SYT16: variants seen among roughly 807,000 people sequenced by gnomAD.
SYT16 encodes synaptotagmin 16, also known as synaptotagmin-16.
Under a neutral mutation model 61.4 loss-of-function variants are expected in SYT16, and 42 were observed. The ratio of observed to expected loss-of-function variants is 0.68; its 90% confidence interval spans 0.53 to 0.89. SYT16 has a LOEUF of 0.89. Among genes scored for constraint, SYT16 ranks in the 40% least tolerant of loss-of-function variants. SYT16 has a pLI of 0.00. For missense variants in SYT16, 804 were observed against 807.3 expected (o/e 1.00, Z 0.05); for synonymous variants, 314 against 302.3 (o/e 1.04, Z -0.40).
At position 62,013,769 on chromosome 14, in the gene SYT16, G is replaced by T. The variant is rs139387763; in HGVS notation, c.523+17227G>T. ...TCATGAGGTCAGGTGTTCAAGACCA[G>T]CCTGGCCAATATGGTGAAACCATGT... On this transcript the variant is annotated intron_variant, in intron 3 of 7. Coordinates refer to ENST00000683842, the MANE Select transcript of SYT16 (RefSeq NM_001367656.1). Among the ~76,000 whole-genome samples, 607 of 152,220 alleles carry T rather than the reference G, an allele frequency of 4.0e-3. 1 individual carries two copies. Among genetic ancestry groups the T allele is most frequent in the Middle Eastern group, 0.017 (5 of 294 alleles).
chr14:61,925,073 C>T (rs2049481930), intron 1 of SYT16, among the ~76,000 whole-genome samples: 1 of 152,178 alleles, frequency 6.6e-6, no homozygotes, highest in African/African-American at 2.4e-5. Flanking sequence ...GAAGCGCCCT[C>T]TTGATTTGGC....
intron 1 of SYT16, among the ~76,000 whole-genome samples, chr14:61,845,717 T>C (rs979507949): frequency 1.3e-5 from 2 of 152,198 alleles, no homozygotes; most frequent in African/African-American, 4.8e-5. Context: ...TTTCTTCTAC[T>C]AATTTTGGGT....
At chr14:61,855,716 A>G (rs8012538) in intron 1 of SYT16, among the ~76,000 whole-genome samples, 22,984 of 152,220 alleles carry the variant, frequency 0.15, 1,870 homozygotes, top group African/African-American at 0.22. Context: ...ACTAGAAACT[A>G]TTATAAAAAA....
intron 3 of SYT16, among the ~76,000 whole-genome samples, chr14:62,032,714 GT>G (rs2054355571): frequency 6.8e-6 from 1 of 146,206 alleles, no homozygotes. Flanking sequence ...TCTACAGTTA[GT>G]AAAAAAAAAA....
At chr14:62,049,898 C>T (rs2140883742) in intron 3 of SYT16, among the ~76,000 whole-genome samples, 1 of 152,286 alleles carries the variant, frequency 6.6e-6, no homozygotes, top group East Asian at 1.9e-4. Context: ...TCTGGCTGCC[C>T]TTAACATTTT....
At chr14:62,085,296 C>T (rs1183118132) in intron 7 of SYT16, among the ~76,000 whole-genome samples, 1 of 152,186 alleles carries the variant, frequency 6.6e-6, no homozygotes, top group Non-Finnish European at 1.5e-5. Context: ...TTCTGGACCT[C>T]ATGCAAATAC....
intron 1 of SYT16, among the ~76,000 whole-genome samples, chr14:61,900,158 CTTT>C (rs5809128): frequency 2.3e-4 from 25 of 106,686 alleles, no homozygotes; most frequent in Admixed American, 3.9e-4. Flanking sequence ...TAAATTTCTG[CTTT>C]TTTTTTTTTT....
chr14:62,024,867 A>G (rs984792497), intron 3 of SYT16, among the ~76,000 whole-genome samples: 23 of 152,086 alleles, frequency 1.5e-4, no homozygotes, highest in Admixed American at 1.2e-3. Context: ...CCAGAATGTT[A>G]TATAGTTGGA....
chr14:62,044,774 G>A lies in SYT16; in HGVS notation c.524-24829G>A, dbSNP rs553608227. The stretch of plus-strand genomic sequence containing the variant: ...TGACTGCCGGACTTGAGTAAGTGCT[G>A]ATAAGCATATGTGGGGGTTATGTCC... On this transcript the variant is annotated intron_variant, in intron 3 of 7. Transcript: ENST00000683842. Among the ~76,000 whole-genome samples, 9 of 152,196 alleles carry A rather than the reference G, an allele frequency of 5.9e-5. No homozygotes were observed. In the East Asian group the frequency reaches 1.7e-3, roughly 29 times the overall value.
At chr14:61,933,078 A>T (rs917117847) in intron 1 of SYT16, among the ~76,000 whole-genome samples, 1 of 152,192 alleles carries the variant, frequency 6.6e-6, no homozygotes, top group Admixed American at 6.5e-5. Context: ...AAGCCAGTCT[A>T]GTTGCCATGG....
At chr14:62,022,300 T>C (rs75720051) in intron 3 of SYT16, among the ~76,000 whole-genome samples, 7,006 of 152,254 alleles carry the variant, frequency 0.046, 266 homozygotes, top group African/African-American at 0.11. Context: ...AGTAAAATTC[T>C]GAATTGGTAG....
chr14:61,932,366 T>G (rs2049806568), intron 1 of SYT16, among the ~76,000 whole-genome samples: 1 of 152,172 alleles, frequency 6.6e-6, no homozygotes, highest in African/African-American at 2.4e-5. Flanking sequence ...ACTGAGTAGT[T>G]TATAAAGAAA....
chr14:62,044,265 T>C (rs1443022183), intron 3 of SYT16, among the ~76,000 whole-genome samples: 1 of 151,992 alleles, frequency 6.6e-6, no homozygotes, highest in Non-Finnish European at 1.5e-5. Flanking sequence ...AACTTGACTA[T>C]ATAGAGGGTT....
At chr14:62,010,347 G>A (rs1390578752) in intron 3 of SYT16, among the ~76,000 whole-genome samples, 1 of 152,154 alleles carries the variant, frequency 6.6e-6, no homozygotes, top group Non-Finnish European at 1.5e-5. Context: ...TACCTTAATA[G>A]GGTGGTCCTA....
chr14:61,891,520 C>A (rs748553408), intron 1 of SYT16, among the ~76,000 whole-genome samples: 1 of 152,148 alleles, frequency 6.6e-6, no homozygotes. Context: ...GAATAGCTGC[C>A]GCTGCAGCAC....
intron 1 of SYT16, among the ~76,000 whole-genome samples, chr14:61,925,419 G>T (rs1429747310): frequency 6.6e-6 from 1 of 152,204 alleles, no homozygotes; most frequent in African/African-American, 2.4e-5. Context: ...TGTGCAAAGA[G>T]TGTCCAACGT....
intron 1 of SYT16, among the ~76,000 whole-genome samples, chr14:61,964,079 T>C (rs1170386377): frequency 2.6e-5 from 4 of 152,232 alleles, no homozygotes; most frequent in Admixed American, 6.5e-5. Context: ...CTGATGGAGA[T>C]GTATAAGGAG....
At chr14:61,848,639 A>C (rs1053727875) in intron 1 of SYT16, among the ~76,000 whole-genome samples, 3 of 152,112 alleles carry the variant, frequency 2.0e-5, no homozygotes, top group Non-Finnish European at 4.4e-5. Context: ...AAACCAGCTA[A>C]ACTTGTGTCC....
Position 61,996,557 on chromosome 14 carries a change from C to T in SYT16, c.523+15C>T. 1 of 1,570,592 alleles carries T rather than the reference C, an allele frequency of 6.4e-7. No homozygotes were observed. Among genetic ancestry groups the T allele is most frequent in the African/African-American group, 1.4e-5 (1 of 73,230 alleles). On this transcript the variant is annotated intron_variant, in intron 3 of 7. Transcript: ENST00000683842. ...AAAAAAGCAAGGTAAGCTAGCCAGTCATCATTTTCTCTGCGTTCCTCCAAA... is the reference window on the plus strand; with the variant it reads ...AAAAAAGCAAGGTAAGCTAGCCAGTTATCATTTTCTCTGCGTTCCTCCAAA...
Sources: allele counts gnomAD v4.1 joint callset (sites outside exome capture counted in the v4.1 genomes callset), GRCh38; gene constraint gnomAD v4.1.1; transcripts MANE v1.5; gene names NCBI Gene and HGNC (gene_info 2026-07-23, HGNC 2026-07-21).